Variants in DCHS2 observed in about 807,000 individuals in gnomAD.
The protein encoded by DCHS2 is dachsous cadherin-related 2.
A neutral mutation model predicts 182.4 loss-of-function variants in DCHS2; 142 were observed. That is an observed-to-expected ratio of 0.78 (90% CI 0.68 to 0.89). The LOEUF is 0.89. DCHS2 is among the 40% of genes least tolerant of loss of function. The pLI, the probability that DCHS2 is intolerant of heterozygous loss-of-function variation, is 0.00. For missense variants in DCHS2, 4,319 were observed against 4,198.6 expected, an observed-to-expected ratio of 1.03 and a Z score of -0.79; for synonymous variants, 1,740 against 1,663.3, an observed-to-expected ratio of 1.05 and a Z score of -1.12.
chr4:154,451,346 G>C (rs1169170528), intron 1 of DCHS2, among the ~76,000 whole-genome samples: 2 of 152,116 alleles, frequency 1.3e-5, no homozygotes, highest in Non-Finnish European at 2.9e-5. Flanking sequence ...ATAGAAATTG[G>C]ACACTTACTA....
intron 15 of DCHS2, among the ~76,000 whole-genome samples, chr4:154,256,873 C>T (rs1024890299): frequency 2.0e-5 from 3 of 152,072 alleles, no homozygotes; most frequent in African/African-American, 7.2e-5. Flanking sequence ...GCTCATCAGA[C>T]AGGGGACAGC....
intron 1 of DCHS2, among the ~76,000 whole-genome samples, chr4:154,395,978 T>G (rs1435420931): frequency 6.6e-6 from 1 of 152,118 alleles, no homozygotes; most frequent in Non-Finnish European, 1.5e-5. Context: ...AAGGGAAGAG[T>G]TCTTATTACC....
chr4:154,295,305 C>G (rs374134073), intron 13 of DCHS2, among the ~76,000 whole-genome samples: 1 of 152,178 alleles, frequency 6.6e-6, no homozygotes, highest in Admixed American at 6.5e-5. Flanking sequence ...AAATTCCATA[C>G]CATTTTAGAT....
intron 1 of DCHS2, among the ~76,000 whole-genome samples, chr4:154,480,882 C>T (rs950310699): frequency 6.6e-6 from 1 of 151,964 alleles, no homozygotes; most frequent in Non-Finnish European, 1.5e-5. Flanking sequence ...CCAACAGAGG[C>T]CTCCCAAAGT....
intron 1 of DCHS2, among the ~76,000 whole-genome samples, chr4:154,442,611 T>C (rs1023703646): frequency 7.4e-6 from 1 of 135,784 alleles, no homozygotes; most frequent in Non-Finnish European, 1.5e-5. Flanking sequence ...CTGTTATTTT[T>C]CCCCCACATC....
At chr4:154,477,768 G>T (rs888010960) in intron 1 of DCHS2, among the ~76,000 whole-genome samples, 8 of 152,220 alleles carry the variant, frequency 5.3e-5, no homozygotes, top group Non-Finnish European at 1.0e-4. Context: ...AGATGAAAGT[G>T]TCTTTGGCAT....
At chr4:154,270,658 G>A (rs1323730545) in intron 13 of DCHS2, among the ~76,000 whole-genome samples, 1 of 151,686 alleles carries the variant, frequency 6.6e-6, no homozygotes, top group African/African-American at 2.4e-5. Context: ...ACAGAGAAGA[G>A]AGGGGTAAGA....
intron 3 of DCHS2, among the ~76,000 whole-genome samples, chr4:154,352,068 CACAT>C (rs967920355): frequency 6.6e-6 from 1 of 152,138 alleles, no homozygotes; most frequent in African/African-American, 2.4e-5. Flanking sequence ...CACACACACA[CACAT>C]ACATACACAC....
At chr4:154,281,558 C>T (rs755486210) in intron 13 of DCHS2, among the ~76,000 whole-genome samples, 1 of 151,970 alleles carries the variant, frequency 6.6e-6, no homozygotes, top group Non-Finnish European at 1.5e-5. Flanking sequence ...AAAACCATTC[C>T]ATGTTTATGA....
intron 1 of DCHS2, among the ~76,000 whole-genome samples, chr4:154,481,735 T>A (rs1343302409): frequency 6.6e-6 from 1 of 152,190 alleles, no homozygotes; most frequent in Non-Finnish European, 1.5e-5. Context: ...CCCATTATCA[T>A]CCCTATTTTA....
intron 1 of DCHS2, among the ~76,000 whole-genome samples, chr4:154,382,653 A>T (rs1325571861): frequency 6.6e-6 from 1 of 152,170 alleles, no homozygotes; most frequent in Non-Finnish European, 1.5e-5. Flanking sequence ...CAACCAGCGA[A>T]AAACAAATAA....
intron 1 of DCHS2, among the ~76,000 whole-genome samples, chr4:154,478,660 G>A (rs145190535): frequency 9.9e-5 from 15 of 152,178 alleles, no homozygotes; most frequent in Admixed American, 4.6e-4. Flanking sequence ...GGGGAAATCC[G>A]GGCAAGCTCG....
intron 1 of DCHS2, among the ~76,000 whole-genome samples, chr4:154,488,759 G>T (rs1273684281): frequency 1.3e-5 from 2 of 152,010 alleles, no homozygotes; most frequent in African/African-American, 4.8e-5. Flanking sequence ...ACAGAAATTA[G>T]CCAGGTATGG....
chr4:154,378,033 G>T (rs1001069765), intron 1 of DCHS2, among the ~76,000 whole-genome samples: 2 of 152,120 alleles, frequency 1.3e-5, no homozygotes, highest in African/African-American at 4.8e-5. Flanking sequence ...TCAGGGCCCT[G>T]CACAGTGGTG....
chr4:154,240,919 C>T, intron 17 of DCHS2, 96 bp from the exon 18 acceptor site: 1 of 1,479,162 alleles, frequency 6.8e-7, no homozygotes, highest in South Asian at 1.4e-5. Context: ...ATTCTAAGTC[C>T]AATATGATTT....
At chr4:154,348,111 C>A (rs570477960) in intron 3 of DCHS2, among the ~76,000 whole-genome samples, 1 of 152,048 alleles carries the variant, frequency 6.6e-6, no homozygotes, top group African/African-American at 2.4e-5. Context: ...GGCTGATAGT[C>A]CCTTTTTGGG....
intron 1 of DCHS2, among the ~76,000 whole-genome samples, chr4:154,414,487 CTTTTTT>C (rs375818839): frequency 1.4e-4 from 10 of 73,746 alleles, no homozygotes; most frequent in Admixed American, 2.0e-4. Flanking sequence ...ATACAGCTTT[CTTTTTT>C]TTTTTTTTTT....
Position 154,265,945 on chromosome 4 carries a change from T to C in DCHS2, c.6577+3955A>G, listed in dbSNP as rs72968856. Among the ~76,000 whole-genome samples, 1,438 of 152,256 alleles carry C rather than the reference T, an allele frequency of 9.4e-3. 23 individuals are homozygous for C. The highest frequency in any genetic ancestry group is 0.031 in the African/African-American group (1,303 of 41,540). On this transcript the variant is annotated intron_variant, in intron 14 of 19. Transcript: ENST00000357232. ...TATATACTATGCTTTTTTCTATATA[T>C]GCATACCTATGATGGAGTTTAATTT...
chr4:154,304,451 G>A (rs1377103568), intron 12 of DCHS2, among the ~76,000 whole-genome samples: 1 of 152,074 alleles, frequency 6.6e-6, no homozygotes, highest in Non-Finnish European at 1.5e-5. Flanking sequence ...CAAACACAGA[G>A]TAATCAACAG....
Sources: gnomAD v4.1 joint callset for allele counts (sites outside exome capture counted in the v4.1 genomes callset) on GRCh38, gnomAD v4.1.1 for gene constraint, MANE v1.5 for transcripts, NCBI Gene and HGNC (gene_info 2026-07-23, HGNC 2026-07-21) for gene names.